The following STK32B variants were observed in gnomAD, a reference collection of about 807,000 sequenced individuals.
The protein encoded by STK32B is serine/threonine kinase 32B.
Under a neutral mutation model 52.6 loss-of-function variants are expected in STK32B, and 43 were observed. That is an observed-to-expected ratio of 0.82 (90% confidence interval 0.64 to 1.05). STK32B has a LOEUF of 1.05. STK32B is among the 50% of genes least tolerant of loss of function. STK32B has a pLI of 0.00. For missense variants in STK32B, 621 were observed against 534.6 expected, an observed-to-expected ratio of 1.16 and a Z score of -1.59; for synonymous variants, 238 against 204.3, an observed-to-expected ratio of 1.17 and a Z score of -1.41.
At chr4:5,306,356 G>C (rs983580898) in intron 3 of STK32B, among the ~76,000 whole-genome samples, 2 of 152,082 alleles carry the variant, frequency 1.3e-5, no homozygotes, top group African/African-American at 4.8e-5. Context: ...CTTAGGTCTA[G>C]TAGTAATTGT....
chr4:5,266,035 T>C (rs1299536025), intron 3 of STK32B, among the ~76,000 whole-genome samples: 1 of 152,228 alleles, frequency 6.6e-6, no homozygotes, highest in Non-Finnish European at 1.5e-5. Context: ...TTTCTAGGTA[T>C]TGGTTTCCTG....
chr4:5,151,716 TG>T (rs1360571356), intron 2 of STK32B, among the ~76,000 whole-genome samples: 1 of 152,220 alleles, frequency 6.6e-6, no homozygotes, highest in African/African-American at 2.4e-5. Flanking sequence ...GGAGTCAGGC[TG>T]ATGCTAATAT....
chr4:5,022,849 T>C, the STK32B span, among the ~76,000 whole-genome samples: 1 of 152,232 alleles, frequency 6.6e-6, no homozygotes, highest in East Asian at 1.9e-4. Flanking sequence ...TCGGAGGAGA[T>C]TGATGAGGGC....
chr4:5,205,710 G>T lies in STK32B; in HGVS notation c.260+37260G>T, dbSNP rs879464190. 9.7e-3 allele frequency among the ~76,000 whole-genome samples: 821 copies of T among 84,834 alleles called. 3 individuals are homozygous for T. Among genetic ancestry groups the T allele is most frequent in the Non-Finnish European group, 0.021 (585 of 27,686 alleles). 55.7% of individuals were successfully genotyped at this position (84,834 alleles called of 152,430 possible). On this transcript the variant is annotated intron_variant, in intron 3 of 11. Transcript: ENST00000282908. ...CTAGACCAGGCGCGCGCGCGTGTGT[G>T]TGTGTGTGTGTGTGTGTGTGTGCAT...
intron 11 of STK32B, among the ~76,000 whole-genome samples, chr4:5,491,973 T>C (rs866700947): frequency 2.6e-5 from 4 of 152,218 alleles, no homozygotes; most frequent in African/African-American, 7.2e-5. Context: ...GCTGTTTTGG[T>C]TACTGTAGCC....
chr4:5,067,115 T>C (rs1280711601), intron 1 of STK32B, among the ~76,000 whole-genome samples: 2 of 152,060 alleles, frequency 1.3e-5, no homozygotes, highest in Non-Finnish European at 2.9e-5. Flanking sequence ...ACAATTATGG[T>C]GGAAGGCAAA....
chr4:5,471,073 C>T (rs943913448), intron 11 of STK32B, among the ~76,000 whole-genome samples: 1 of 152,204 alleles, frequency 6.6e-6, no homozygotes, highest in African/African-American at 2.4e-5. Flanking sequence ...GATCCCTGCA[C>T]AGTGGGGGCT....
At chr4:5,320,291 G>T (rs1183597732) in intron 3 of STK32B, among the ~76,000 whole-genome samples, 1 of 152,056 alleles carries the variant, frequency 6.6e-6, no homozygotes, top group Non-Finnish European at 1.5e-5. Flanking sequence ...AAACATTCAG[G>T]CATATTCACC....
intron 4 of STK32B, among the ~76,000 whole-genome samples, chr4:5,361,157 G>A (rs76512703): frequency 0.013 from 2,052 of 152,286 alleles, 45 homozygotes; most frequent in African/African-American, 0.046. Flanking sequence ...GTACATCTAT[G>A]CAGCATGTAG....
At chr4:5,267,048 G>T (rs1727098532) in intron 3 of STK32B, among the ~76,000 whole-genome samples, 1 of 152,150 alleles carries the variant, frequency 6.6e-6, no homozygotes, top group Admixed American at 6.6e-5. Context: ...GATAGGACCT[G>T]GGAGGTGAAT....
At chr4:5,150,726 C>T (rs970759307) in intron 2 of STK32B, among the ~76,000 whole-genome samples, 30 of 152,110 alleles carry the variant, frequency 2.0e-4, no homozygotes, top group Non-Finnish European at 3.2e-4. Flanking sequence ...CTCTTGGATA[C>T]TCTTGGATTT....
At chr4:5,203,214 C>A (rs1002059463) in intron 3 of STK32B, among the ~76,000 whole-genome samples, 1 of 152,074 alleles carries the variant, frequency 6.6e-6, no homozygotes, top group Non-Finnish European at 1.5e-5. Flanking sequence ...AAAAGAGCAT[C>A]CCCCATCTCA....
intron 3 of STK32B, among the ~76,000 whole-genome samples, chr4:5,259,239 C>T (rs182931625): frequency 3.9e-4 from 59 of 152,334 alleles, no homozygotes; most frequent in African/African-American, 1.4e-3. Context: ...CTGGCTACCT[C>T]ATTTAGAGTG....
At chr4:5,383,316 T>C (rs1210021247) in intron 4 of STK32B, among the ~76,000 whole-genome samples, 1 of 152,146 alleles carries the variant, frequency 6.6e-6, no homozygotes, top group Non-Finnish European at 1.5e-5. Flanking sequence ...CATGCCTGGC[T>C]CCTGGTTCCA....
chr4:5,161,625 C>G (rs1718453045), intron 2 of STK32B, among the ~76,000 whole-genome samples: 1 of 152,146 alleles, frequency 6.6e-6, no homozygotes, highest in Non-Finnish European at 1.5e-5. Flanking sequence ...AGAACTGTGG[C>G]TGTTGCTGGC....
intron 3 of STK32B, among the ~76,000 whole-genome samples, chr4:5,278,268 A>G (rs1382470868): frequency 1.3e-5 from 2 of 152,246 alleles, no homozygotes; most frequent in Non-Finnish European, 2.9e-5. Context: ...TTCATGCACC[A>G]GGAAGGAAGG....
At chr4:5,157,496 C>G (rs79716534) in intron 2 of STK32B, among the ~76,000 whole-genome samples, 5,266 of 152,190 alleles carry the variant, frequency 0.035, 154 homozygotes, top group East Asian at 0.085. Flanking sequence ...CAGAGACAGC[C>G]TCTCCGAGAG....
rs2109175188 is a variant in STK32B at position 5,470,876 on chromosome 4, TC to T, written c.1106+2810del. ...TGGAAAATTAAATCGAGCACCTTCT[TC>T]CCCACTTGAGCAGTGTAGTGAGTCG... On this transcript the variant is annotated intron_variant, in intron 11 of 11. Coordinates refer to ENST00000282908, the MANE Select transcript of STK32B (RefSeq NM_018401.3). This position sits in a 1 kb window ranked among gnomAD's most constrained non-coding sequence, Gnocchi z 4.6. 6.6e-6 allele frequency among the ~76,000 whole-genome samples: 1 copy of T among 152,334 alleles called. No individual in the cohort carries two copies. Among genetic ancestry groups the T allele is most frequent in the South Asian group, 2.1e-4 (1 of 4,830 alleles).
At chr4:5,158,610 A>G (rs906201145) in intron 2 of STK32B, among the ~76,000 whole-genome samples, 18 of 152,332 alleles carry the variant, frequency 1.2e-4, no homozygotes, top group Non-Finnish European at 2.6e-4. Flanking sequence ...ACAACAAAGC[A>G]CTGCAGAGTT....
Sources: allele counts gnomAD v4.1 joint callset (sites outside exome capture counted in the v4.1 genomes callset), GRCh38; gene constraint gnomAD v4.1.1; non-coding constraint Gnocchi (gnomAD v3.1); transcripts MANE v1.5; gene names NCBI Gene and HGNC (gene_info 2026-07-23, HGNC 2026-07-21).